Variants in AK5 observed in about 807,000 individuals in gnomAD.
AK5 encodes the protein adenylate kinase isoenzyme 5.
A neutral mutation model predicts 69.5 loss-of-function variants in AK5; 27 were observed. That is an observed-to-expected ratio of 0.39 (90% CI 0.29 to 0.54). The LOEUF (loss-of-function observed/expected upper bound fraction) is 0.54. AK5 is among the 20% of genes least tolerant of loss of function. The pLI, the probability that AK5 is intolerant of heterozygous loss-of-function variation, is 0.71. For missense variants in AK5, 531 were observed against 700.4 expected, an observed-to-expected ratio of 0.76 and a Z score of 2.73; for synonymous variants, 260 against 244.4, an observed-to-expected ratio of 1.06 and a Z score of -0.60.
intron 1 of AK5, chr1:77,283,363 A>G: frequency 1.0e-6 from 1 of 985,430 alleles, no homozygotes; most frequent in East Asian, 1.1e-4. Context: ...AAATCCATTC[A>G]CTGCAAACCT....
rs143031913 is a variant in AK5, at chr1:77,391,562, C to G, written c.892-19419C>G. Among the ~76,000 whole-genome samples the G allele has an allele frequency of 4.7e-4, 65 of 139,414 alleles. 1 individual carries two copies. In the East Asian group the frequency reaches 4.9e-3, roughly 10 times the overall value. The allele number at this position is 139,414 out of a possible 152,430, so 91.5% of individuals were successfully genotyped here. ...GCTGTTGTTGCAGTATCTATCCATCCCAAGTGTTCAATTAATAGCTAATGG... is the reference window on the plus strand; with the variant it reads ...GCTGTTGTTGCAGTATCTATCCATCGCAAGTGTTCAATTAATAGCTAATGG... On this transcript the variant is annotated intron_variant, in intron 6 of 13. Transcript: ENST00000354567.
intron 6 of AK5, among the ~76,000 whole-genome samples, chr1:77,376,569 A>G (rs1647269354): frequency 6.6e-6 from 1 of 151,892 alleles, no homozygotes; most frequent in African/African-American, 2.4e-5. Flanking sequence ...AAAAAGAACC[A>G]TTAACATTTT....
intron 10 of AK5, among the ~76,000 whole-genome samples, chr1:77,510,433 T>G (rs1385995316): frequency 1.3e-5 from 2 of 151,622 alleles, no homozygotes; most frequent in African/African-American, 2.4e-5. Context: ...AATTTCAGAA[T>G]GTGATGAGGT....
At chr1:77,297,077 A>G (rs1659049481) in intron 3 of AK5, among the ~76,000 whole-genome samples, 1 of 152,208 alleles carries the variant, frequency 6.6e-6, no homozygotes, top group Non-Finnish European at 1.5e-5. Flanking sequence ...ATTTCAAAAA[A>G]GATTTAAATA....
chr1:77,379,872 T>C, intron 6 of AK5, among the ~76,000 whole-genome samples: 1 of 152,206 alleles, frequency 6.6e-6, no homozygotes. Flanking sequence ...ATTTAACATA[T>C]ACATTTCGTA....
chr1:77,337,262 G>A (rs1481179639), intron 5 of AK5, among the ~76,000 whole-genome samples: 2 of 152,092 alleles, frequency 1.3e-5, no homozygotes, highest in African/African-American at 4.8e-5. Context: ...TCCCACATAG[G>A]TAGAAGGCTA....
chr1:77,445,581 A>T (rs1652697452), intron 8 of AK5, among the ~76,000 whole-genome samples: 1 of 152,004 alleles, frequency 6.6e-6, no homozygotes, highest in Non-Finnish European at 1.5e-5. Flanking sequence ...CTGTAGGTTA[A>T]CCTTTCATAC....
At chr1:77,508,893 G>A (rs949611725) in intron 10 of AK5, among the ~76,000 whole-genome samples, 2 of 152,006 alleles carry the variant, frequency 1.3e-5, no homozygotes, top group Non-Finnish European at 2.9e-5. Flanking sequence ...AGAAGGTGGG[G>A]ATGAGTAATC....
intron 13 of AK5, among the ~76,000 whole-genome samples, chr1:77,537,292 G>A (rs757746387): frequency 1.3e-5 from 2 of 152,054 alleles, no homozygotes; most frequent in African/African-American, 2.4e-5. Flanking sequence ...GTAACTCCAC[G>A]AGGCTGTGAC....
chr1:77,398,244 C>T (rs1305299730), intron 6 of AK5, among the ~76,000 whole-genome samples: 1 of 152,102 alleles, frequency 6.6e-6, no homozygotes, highest in African/African-American at 2.4e-5. Context: ...CCTAAATTAG[C>T]CCCTAGTCAC....
intron 6 of AK5, among the ~76,000 whole-genome samples, chr1:77,384,995 T>C (rs921479711): frequency 6.6e-6 from 1 of 152,094 alleles, no homozygotes. Context: ...GTTTAACTCT[T>C]AAACTCTATT....
At chr1:77,417,477 G>C (rs918837679) in intron 7 of AK5, among the ~76,000 whole-genome samples, 162 bp from the exon 8 acceptor site, 3 of 152,100 alleles carry the variant, frequency 2.0e-5, no homozygotes, top group Non-Finnish European at 4.4e-5. Context: ...TCTGCATTTT[G>C]AATCTCCAGC....
chr1:77,367,589 T>TTATATATATTTTA (rs374382779), intron 6 of AK5, among the ~76,000 whole-genome samples: 5 of 43,592 alleles, frequency 1.1e-4, no homozygotes, highest in Admixed American at 3.9e-4. Context: ...AATATATATG[T>TTATATATATTTTA]TATATATGTA....
intron 6 of AK5, among the ~76,000 whole-genome samples, chr1:77,384,775 C>T (rs1403781208): frequency 2.0e-5 from 3 of 152,156 alleles, no homozygotes; most frequent in Non-Finnish European, 4.4e-5. Flanking sequence ...ATAATAGCAT[C>T]TATCAAAATG....
chr1:77,537,464 A>G (rs576534348), intron 13 of AK5, among the ~76,000 whole-genome samples: 1 of 152,206 alleles, frequency 6.6e-6, no homozygotes, highest in East Asian at 1.9e-4. Context: ...AGCTCAATCC[A>G]TCATCCTTAT....
At chr1:77,398,358 T>C (rs1648968855) in intron 6 of AK5, among the ~76,000 whole-genome samples, 2 of 152,074 alleles carry the variant, frequency 1.3e-5, no homozygotes, top group Admixed American at 1.3e-4. Context: ...GAATGGAGCC[T>C]GTAATTAGGA....
chr1:77,370,376 C>T (rs1351941249), intron 6 of AK5, among the ~76,000 whole-genome samples: 3 of 152,164 alleles, frequency 2.0e-5, no homozygotes, highest in South Asian at 2.1e-4. Flanking sequence ...CAAACTCACA[C>T]GCAACCTCAA....
At chr1:77,388,970 AGAG>A in intron 6 of AK5, among the ~76,000 whole-genome samples, 1 of 152,340 alleles carries the variant, frequency 6.6e-6, no homozygotes, top group South Asian at 2.1e-4. Context: ...GGATGGAAGC[AGAG>A]CTAGCTCCGA....
At chr1:77,318,938 G>A (rs1013068588) in intron 5 of AK5, among the ~76,000 whole-genome samples, 2 of 152,116 alleles carry the variant, frequency 1.3e-5, no homozygotes, top group Non-Finnish European at 2.9e-5. Flanking sequence ...TACTCAAATA[G>A]GCTGAACAGA....
Sources: gnomAD v4.1 joint callset for allele counts (sites outside exome capture counted in the v4.1 genomes callset) on GRCh38, gnomAD v4.1.1 for gene constraint, MANE v1.5 for transcripts, NCBI Gene and HGNC (gene_info 2026-07-23, HGNC 2026-07-21) for gene names.